Variants in CRISP3 observed in about 807,000 individuals in gnomAD.
CRISP3 encodes cysteine-rich secretory protein 3.
CRISP3 carries 33 observed loss-of-function variants against 36.1 expected under a neutral mutation model. The ratio of observed to expected loss-of-function variants is 0.91; its 90% CI spans 0.69 to 1.22. The LOEUF is 1.22. Ranked by LOEUF, CRISP3 falls within the 50% of genes most tolerant of loss-of-function variation. The pLI, the probability that CRISP3 is intolerant of heterozygous loss-of-function variation, is 0.00. For synonymous variants in CRISP3, 117 were observed against 104.6 expected, an observed-to-expected ratio of 1.12 and a Z score of -0.72; for missense variants, 330 against 301.2, an observed-to-expected ratio of 1.10 and a Z score of -0.71.
At position 49,735,592 on chromosome 6, in the gene CRISP3, C is replaced by T; in HGVS notation, c.229-1G>A. The T allele has an allele frequency of 2.5e-6, 4 of 1,610,058 alleles. No individual in the cohort carries two copies. Among genetic ancestry groups the T allele is most frequent in the Non-Finnish European group, 3.4e-6 (4 of 1,177,636 alleles). On this transcript the variant is annotated splice_acceptor_variant, in intron 3 of 7. Transcript: ENST00000263045. LOFTEE classifies it high-confidence loss of function. ...TTGCTGCAGCCTCTTTGTTCCATTCCTGAAACAAGGACAGAAAAAAGATAT... is the reference window on the plus strand; with the variant it reads ...TTGCTGCAGCCTCTTTGTTCCATTCTTGAAACAAGGACAGAAAAAAGATAT...
Position 49,729,213 on chromosome 6 carries a change from TA to T in CRISP3, c.650-357del, listed in dbSNP as rs915741775. On this transcript the variant is annotated intron_variant, in intron 7 of 7. Transcript: ENST00000263045. ...TAAACTTAAATTAATTAAAATTAAATAAAAATAAAATCAAATAAAATTAAAA... is the reference window on the plus strand; with the variant it reads ...TAAACTTAAATTAATTAAAATTAAATAAAATAAAATCAAATAAAATTAAAA... 1.1e-4 allele frequency among the ~76,000 whole-genome samples: 16 copies of T among 152,142 alleles called. No individual in the cohort carries two copies. The South Asian group carries it at 2.1e-3, about 20-fold the overall frequency.
intron 1 of CRISP3, among the ~76,000 whole-genome samples, chr6:49,742,125 AAAC>A (rs984153350): frequency 6.6e-6 from 1 of 151,948 alleles, no homozygotes; most frequent in African/African-American, 2.4e-5. Context: ...AGTATCTGGG[AAAC>A]AACAAAACAA....
rs1450376819 is a variant in CRISP3, at chr6:49,728,816, T to A, written c.691A>T (p.Ser231Cys). ...KYEDLYSNCK[S>C]LKLTLTCKHQ... ...TTACAGGTTAATGTGAGCTTCAAACTTTTACAGTTACTATAGAGATCTTCG... is the reference window on the plus strand; with the variant it reads ...TTACAGGTTAATGTGAGCTTCAAACATTTACAGTTACTATAGAGATCTTCG... The change falls in exon 8 of 8, where the codon AGT (serine) becomes TGT (cysteine). Residue 231 changes from serine to cysteine, a missense_variant. Coordinates refer to ENST00000263045, the MANE Select transcript of CRISP3 (RefSeq NM_006061.4). 1.2e-6 allele frequency: 2 copies of A among 1,612,658 alleles called. No homozygotes were observed. Among genetic ancestry groups the A allele is most frequent in the African/African-American group, 2.7e-5 (2 of 74,914 alleles).
rs745306632 is a variant in CRISP3 at position 49,736,447 on chromosome 6, T to C, written c.172A>G (p.Lys58Glu). Residue 58 changes from lysine (K) to glutamate (E), a missense_variant, in exon 3 of 8, where the codon AAG (lysine) becomes GAG (glutamate). Lys to Glu is a moderately conservative substitution (Grantham distance 56). Coordinates refer to ENST00000263045, the MANE Select transcript of CRISP3 (RefSeq NM_006061.4). ...ACTGCTCTCCTCAGTTCATTGTGCT[T>C]ATTCACAATCTCCCTTTGCACTTGT... is the stretch of plus-strand genomic sequence containing the variant. Reference protein sequence around the residue: ...QTQVQREIVNKHNELRRAVSP... With the variant: ...QTQVQREIVNEHNELRRAVSP... 2.6e-5 allele frequency: 42 copies of C among 1,613,756 alleles called. No individual in the cohort carries two copies. The African/African-American group carries it at 5.6e-4, about 22-fold the overall frequency.
intron 7 of CRISP3, 149 bp from the exon 8 acceptor site, chr6:49,729,006 G>A: frequency 1.7e-6 from 1 of 599,220 alleles, no homozygotes. Context: ...ATATCTTGAG[G>A]GACACATAAG....
Position 49,737,359 on chromosome 6 carries a change from C to T in CRISP3, c.77G>A (p.Gly26Glu), listed in dbSNP as rs1769082573. 1 of 1,613,666 alleles carries T rather than the reference C, an allele frequency of 6.2e-7. No homozygotes were observed. ...ATTTGCTGGAAAAGATGGAAGCAGC[C>T]CAGCAACCAGGAACAACAGCACTGG... The part of the protein sequence containing the change: ...LFPVLLFLVA[G>E]LLPSFPANED... Residue 26 changes from glycine to glutamate, a missense_variant, in exon 2 of 8, where the codon GGG (glycine) becomes GAG (glutamate). Transcript: ENST00000263045.
At chr6:49,730,246 T>G (rs1460469574) in intron 7 of CRISP3, among the ~76,000 whole-genome samples, 1 of 152,118 alleles carries the variant, frequency 6.6e-6, no homozygotes, top group Non-Finnish European at 1.5e-5. Context: ...TTGTATGAGA[T>G]ATAAATTTAT....
rs1768832824 is a variant in CRISP3, at chr6:49,728,664, G to A, written c.*66C>T. On this transcript the variant is annotated 3_prime_UTR_variant, in exon 8 of 8. Transcript: ENST00000263045. ...AGCTAGTATATGTTAAATCTAAGTA[G>A]ATGCCAAATCTAAGTAGATAATCTG... is the stretch of plus-strand genomic sequence containing the variant. The A allele has an allele frequency of 2.9e-6, 4 of 1,371,180 alleles. No individual in the cohort carries two copies. Among genetic ancestry groups the A allele is most frequent in the Non-Finnish European group, 3.9e-6 (4 of 1,033,326 alleles). 84.9% of individuals were successfully genotyped at this position (1,371,180 alleles called of 1,614,324 possible).
intron 1 of CRISP3, among the ~76,000 whole-genome samples, chr6:49,739,816 G>C (rs1238633189): frequency 1.3e-5 from 2 of 152,072 alleles, no homozygotes; most frequent in African/African-American, 4.8e-5. Flanking sequence ...CAATTTCTAA[G>C]TGTATTAGTT....
intron 6 of CRISP3, among the ~76,000 whole-genome samples, chr6:49,732,370 T>C (rs1015654487): frequency 1.3e-5 from 2 of 152,156 alleles, no homozygotes; most frequent in Non-Finnish European, 2.9e-5. Context: ...AGCCTCAAAA[T>C]AAGCCATGCA....
At chr6:49,737,451 T>G in intron 1 of CRISP3, 53 bp from the exon 2 acceptor site, 1 of 1,592,602 alleles carries the variant, frequency 6.3e-7, no homozygotes, top group Non-Finnish European at 8.6e-7. Flanking sequence ...GATTGGTACA[T>G]GCTGTTGAGT....
chr6:49,741,056 G>A (rs1247824862), intron 1 of CRISP3, among the ~76,000 whole-genome samples: 4 of 150,354 alleles, frequency 2.7e-5, no homozygotes, highest in African/African-American at 7.3e-5. Context: ...AGCCGAGATC[G>A]CGCCACTGCC....
At chr6:49,738,016 T>C (rs1350604830) in intron 1 of CRISP3, among the ~76,000 whole-genome samples, 1 of 152,144 alleles carries the variant, frequency 6.6e-6, no homozygotes, top group Non-Finnish European at 1.5e-5. Context: ...TCCTAACTCC[T>C]TTCCTCTCAA....
At chr6:49,731,335 A>G in intron 6 of CRISP3, 84 bp from the exon 7 acceptor site, 1 of 622,002 alleles carries the variant, frequency 1.6e-6, no homozygotes, top group East Asian at 3.0e-5. Flanking sequence ...CACCAAATAT[A>G]CATGAGTATT....
At chr6:49,739,628 CAG>C (rs528858038) in intron 1 of CRISP3, among the ~76,000 whole-genome samples, 4 of 152,122 alleles carry the variant, frequency 2.6e-5, no homozygotes, top group Non-Finnish European at 5.9e-5. Flanking sequence ...ATAATGGTGA[CAG>C]AGAGTCGCTG....
chr6:49,734,545 A>T (rs1196231429), intron 4 of CRISP3, among the ~76,000 whole-genome samples: 1 of 152,174 alleles, frequency 6.6e-6, no homozygotes, highest in Non-Finnish European at 1.5e-5. Context: ...TTAACAAGGA[A>T]TGTCTACATG....
At chr6:49,735,308 G>A (rs993188704) in intron 4 of CRISP3, among the ~76,000 whole-genome samples, 196 bp downstream of exon 4, 2 of 152,052 alleles carry the variant, frequency 1.3e-5, no homozygotes, top group Non-Finnish European at 2.9e-5. Flanking sequence ...GTGTGAGACG[G>A]TTTTTGTAAA....
intron 6 of CRISP3, among the ~76,000 whole-genome samples, chr6:49,732,847 C>T (rs1582190837): frequency 6.6e-6 from 1 of 152,142 alleles, no homozygotes; most frequent in Non-Finnish European, 1.5e-5. Context: ...AATTATCAAG[C>T]TTCCAGTTTC....
chr6:49,735,481 C>G (rs567882732), intron 4 of CRISP3, 23 bp downstream of exon 4: 3 of 1,545,442 alleles, frequency 1.9e-6, no homozygotes, highest in African/African-American at 2.7e-5. Context: ...ATTTATTCAA[C>G]AAATATTTCC....
Sources: allele counts gnomAD v4.1 joint callset (sites outside exome capture counted in the v4.1 genomes callset), GRCh38; gene constraint gnomAD v4.1.1; transcripts MANE v1.5; gene names NCBI Gene and HGNC (gene_info 2026-07-23, HGNC 2026-07-21).